Variants in NMNAT2 observed in about 807,000 individuals in gnomAD.
The protein encoded by NMNAT2 is nicotinamide nucleotide adenylyltransferase 2.
Under a neutral mutation model 41.6 loss-of-function variants are expected in NMNAT2, and 11 were observed. The observed-to-expected ratio is 0.26, with a 90% CI of 0.17 to 0.44. The LOEUF is 0.44. Among genes scored for constraint, NMNAT2 ranks in the 20% least tolerant of loss-of-function variants. The pLI is 1.00. For synonymous variants in NMNAT2, 148 were observed against 151.2 expected (o/e 0.98, Z 0.16); for missense variants, 288 against 407.7 (o/e 0.71, Z 2.53).
intron 1 of NMNAT2, among the ~76,000 whole-genome samples, chr1:183,359,599 C>T (rs1051385129): frequency 1.3e-5 from 2 of 152,102 alleles, no homozygotes; most frequent in Admixed American, 1.3e-4. Context: ...AACCTTTGTC[C>T]AAGCAGGACA....
chr1:183,373,789 T>C (rs1226500729), intron 1 of NMNAT2, among the ~76,000 whole-genome samples: 1 of 152,040 alleles, frequency 6.6e-6, no homozygotes, highest in Non-Finnish European at 1.5e-5. Flanking sequence ...GGCTAATTTT[T>C]GTATTTTTAG....
At chr1:183,305,778 T>C (rs991542831) in intron 1 of NMNAT2, among the ~76,000 whole-genome samples, 1 of 145,608 alleles carries the variant, frequency 6.9e-6, no homozygotes, top group Non-Finnish European at 1.5e-5. Context: ...TGGAGTGCAG[T>C]GGCATGAACT....
intron 8 of NMNAT2, among the ~76,000 whole-genome samples, chr1:183,277,956 G>T (rs187477726): frequency 1.3e-5 from 2 of 152,176 alleles, no homozygotes; most frequent in Admixed American, 6.5e-5. Context: ...GAATAAGAAC[G>T]AACGTATGTG....
At chr1:183,303,215 C>T (rs1047258027) in intron 1 of NMNAT2, among the ~76,000 whole-genome samples, 1 of 152,100 alleles carries the variant, frequency 6.6e-6, no homozygotes, top group Non-Finnish European at 1.5e-5. Flanking sequence ...CAGCCTGGAG[C>T]AACTTTGCAA....
chr1:183,303,556 G>A (rs1444483586), intron 1 of NMNAT2, among the ~76,000 whole-genome samples: 3 of 152,218 alleles, frequency 2.0e-5, no homozygotes, highest in Non-Finnish European at 4.4e-5. Flanking sequence ...ACTCTAAGGT[G>A]AGTGCTTATT....
At chr1:183,304,940 G>C in intron 1 of NMNAT2, 1 of 1,308,696 alleles carries the variant, frequency 7.6e-7, no homozygotes, top group African/African-American at 1.5e-5. Flanking sequence ...ACTTCTGCCA[G>C]ACCATGCTGA....
chr1:183,277,886 A>G (rs1661162123), intron 8 of NMNAT2, among the ~76,000 whole-genome samples: 1 of 152,218 alleles, frequency 6.6e-6, no homozygotes, highest in Non-Finnish European at 1.5e-5. Flanking sequence ...CAATGTGCAT[A>G]GAGCTATGGG....
intron 10 of NMNAT2, among the ~76,000 whole-genome samples, chr1:183,257,126 C>G (rs1282568638): frequency 6.6e-6 from 1 of 151,992 alleles, no homozygotes; most frequent in Non-Finnish European, 1.5e-5. Flanking sequence ...GGTATTCCTT[C>G]CAGCTGTATT....
intron 1 of NMNAT2, among the ~76,000 whole-genome samples, chr1:183,354,241 A>G (rs1663130745): frequency 6.6e-6 from 1 of 152,086 alleles, no homozygotes; most frequent in South Asian, 2.1e-4. Context: ...GCTTGAAAAC[A>G]AAGAGATGAG....
At chr1:183,300,962 T>C (rs922115800) in intron 1 of NMNAT2, among the ~76,000 whole-genome samples, 1 of 152,198 alleles carries the variant, frequency 6.6e-6, no homozygotes, top group African/African-American at 2.4e-5. Flanking sequence ...ATTCTATGGG[T>C]CTGGGATGGA....
At position 183,357,342 on chromosome 1, in the gene NMNAT2, G is replaced by A. The variant is rs1571617445; in HGVS notation, c.85+60841C>T. Among the ~76,000 whole-genome samples the A allele has an allele frequency of 2.1e-5, 3 of 144,192 alleles. No homozygotes were observed. The South Asian group carries it at 6.5e-4, about 31-fold the overall frequency. 94.6% of individuals were successfully genotyped at this position (144,192 alleles called of 152,430 possible). ...CCTCCCGGGTTCACACCATTCTCCT[G>A]CCTCAGCCTCCCGAGTAGCTGGGAC... On this transcript the variant is annotated intron_variant, in intron 1 of 10. Coordinates refer to ENST00000287713, the MANE Select transcript of NMNAT2 (RefSeq NM_015039.4).
chr1:183,391,377 C>T (rs1648476809), intron 1 of NMNAT2, among the ~76,000 whole-genome samples: 1 of 152,150 alleles, frequency 6.6e-6, no homozygotes, highest in South Asian at 2.1e-4. Flanking sequence ...AGGCCAACTC[C>T]TCCATTTTGG....
At chr1:183,347,376 A>G (rs149184274) in intron 1 of NMNAT2, among the ~76,000 whole-genome samples, 2,262 of 152,182 alleles carry the variant, frequency 0.015, 48 homozygotes, top group African/African-American at 0.052. Context: ...GAATCACTTG[A>G]GCCCAGGAGG....
In NMNAT2 at chr1:183,251,369, A is replaced by C. The variant is rs200337676; in HGVS notation, c.*1272T>G. ...GAGAGGGTGAAAATCATCAGTTATC[A>C]TCAGGGCAACAAATTGCTTTCTCCT... On this transcript the variant is annotated 3_prime_UTR_variant, in exon 11 of 11. Coordinates refer to ENST00000287713, the MANE Select transcript of NMNAT2 (RefSeq NM_015039.4). The C allele has an allele frequency of 2.6e-4, 39 of 152,410 alleles. No homozygotes were observed. The highest frequency in any genetic ancestry group is 8.4e-4 in the African/African-American group (35 of 41,586). 9.4% of individuals were successfully genotyped at this position (152,410 alleles called of 1,614,324 possible).
intron 1 of NMNAT2, among the ~76,000 whole-genome samples, chr1:183,390,198 A>C (rs560788489): frequency 6.6e-6 from 1 of 152,230 alleles, no homozygotes; most frequent in East Asian, 1.9e-4. Flanking sequence ...ATGAACATCA[A>C]TGTTAAAACG....
At chr1:183,302,984 A>G (rs1426395742) in intron 1 of NMNAT2, among the ~76,000 whole-genome samples, 1 of 152,114 alleles carries the variant, frequency 6.6e-6, no homozygotes, top group Non-Finnish European at 1.5e-5. Flanking sequence ...CCATCTCCTG[A>G]TCTGTTGGCC....
intron 1 of NMNAT2, among the ~76,000 whole-genome samples, chr1:183,294,696 A>G (rs1661635609): frequency 6.6e-6 from 1 of 152,174 alleles, no homozygotes. Flanking sequence ...AGACTGAGGC[A>G]GGAGAATCGC....
intron 8 of NMNAT2, among the ~76,000 whole-genome samples, chr1:183,273,171 C>A (rs1661027551): frequency 6.6e-6 from 1 of 152,276 alleles, no homozygotes; most frequent in African/African-American, 2.4e-5. Flanking sequence ...ACATCACCTT[C>A]CTTTTTCTGT....
chr1:183,311,695 T>G (rs549255876), intron 1 of NMNAT2, among the ~76,000 whole-genome samples: 2 of 151,490 alleles, frequency 1.3e-5, no homozygotes, highest in East Asian at 3.9e-4. Context: ...AAAAGAGTTG[T>G]GCAGTTCACA....
Sources: gnomAD v4.1 joint callset for allele counts (sites outside exome capture counted in the v4.1 genomes callset) on GRCh38, gnomAD v4.1.1 for gene constraint, MANE v1.5 for transcripts, NCBI Gene and HGNC (gene_info 2026-07-23, HGNC 2026-07-21) for gene names.